TMEFF2: variants seen among roughly 807,000 people sequenced by gnomAD.
TMEFF2 encodes transmembrane protein with EGF like and two follistatin like domains 2, also known as tomoregulin-2.
TMEFF2 carries 28 observed loss-of-function variants against 53.8 expected under a neutral mutation model. That is an observed-to-expected ratio of 0.52 (90% CI 0.39 to 0.71). The LOEUF (loss-of-function observed/expected upper bound fraction) is 0.71. TMEFF2 is among the 30% of genes least tolerant of loss of function. The pLI is 0.00. For missense variants in TMEFF2, 353 were observed against 455.2 expected (o/e 0.78, Z 2.04); for synonymous variants, 162 against 166.3 (o/e 0.97, Z 0.20).
intron 7 of TMEFF2, 80 bp downstream of exon 7, chr2:191,998,182 G>A (rs763163772): frequency 1.3e-4 from 142 of 1,120,618 alleles, no homozygotes; most frequent in Admixed American, 1.9e-4. Flanking sequence ...CTTCACTTTG[G>A]AATAAGTAGT....
At chr2:192,079,163 G>C (rs1387933618) in intron 4 of TMEFF2, among the ~76,000 whole-genome samples, 1 of 152,192 alleles carries the variant, frequency 6.6e-6, no homozygotes, top group Non-Finnish European at 1.5e-5. Flanking sequence ...ATTGAGCACA[G>C]TGAGGGCTTT....
At chr2:192,165,442 A>G (rs187594523) in intron 4 of TMEFF2, among the ~76,000 whole-genome samples, 35 of 152,318 alleles carry the variant, frequency 2.3e-4, no homozygotes, top group African/African-American at 7.2e-4. Flanking sequence ...CGTACTCATT[A>G]TAAGTATATT....
rs1179371406 is a variant in TMEFF2, at chr2:191,982,314, C to G, written c.745+15948G>C. Among the ~76,000 whole-genome samples, 3 of 152,002 alleles carry G rather than the reference C, an allele frequency of 2.0e-5. No homozygotes were observed. In the East Asian group the frequency reaches 5.8e-4, roughly 29 times the overall value. ...TAATTTACAGATAAGAAAACAAAGA[C>G]TCACGGAGGTTATGGTCAAATGTAA... On this transcript the variant is annotated intron_variant, in intron 7 of 9. Coordinates refer to ENST00000272771, the MANE Select transcript of TMEFF2 (RefSeq NM_016192.4).
intron 5 of TMEFF2, among the ~76,000 whole-genome samples, chr2:192,018,571 T>C (rs1214352261): frequency 6.6e-6 from 1 of 152,184 alleles, no homozygotes; most frequent in African/African-American, 2.4e-5. Flanking sequence ...TGGTGTCCTG[T>C]AGCTTGGCAA....
At chr2:192,011,025 G>A (rs1037813808) in intron 5 of TMEFF2, among the ~76,000 whole-genome samples, 5 of 152,130 alleles carry the variant, frequency 3.3e-5, no homozygotes, top group Admixed American at 3.3e-4. Context: ...CATTTTTTAG[G>A]TACTGATAAT....
chr2:192,123,646 C>A (rs551317016), intron 4 of TMEFF2, among the ~76,000 whole-genome samples: 271 of 152,284 alleles, frequency 1.8e-3, no homozygotes, highest in African/African-American at 5.6e-3. Context: ...ACATCGGAAT[C>A]CTTAATGTAA....
intron 5 of TMEFF2, among the ~76,000 whole-genome samples, chr2:192,054,865 C>T (rs561598152): frequency 2.0e-5 from 3 of 151,964 alleles, no homozygotes; most frequent in African/African-American, 7.2e-5. Context: ...TGGAATCTAC[C>T]TCCTATGGCT....
At chr2:192,051,505 T>C (rs1687770526) in intron 5 of TMEFF2, among the ~76,000 whole-genome samples, 1 of 152,202 alleles carries the variant, frequency 6.6e-6, no homozygotes, top group East Asian at 1.9e-4. Context: ...TGTTCAATTG[T>C]CAACCAGGAG....
chr2:192,033,845 C>T (rs1328631994), intron 5 of TMEFF2, among the ~76,000 whole-genome samples: 1 of 152,070 alleles, frequency 6.6e-6, no homozygotes, highest in African/African-American at 2.4e-5. Context: ...TTAGTTTTTA[C>T]TAACTAAAGA....
chr2:192,129,436 G>C (rs1470708335), intron 4 of TMEFF2, among the ~76,000 whole-genome samples: 2 of 151,160 alleles, frequency 1.3e-5, no homozygotes, highest in Non-Finnish European at 1.5e-5. Flanking sequence ...TAGTTTTTGG[G>C]CCATCCAAGG....
chr2:192,014,804 T>G (rs938294876), intron 5 of TMEFF2, among the ~76,000 whole-genome samples: 5 of 152,234 alleles, frequency 3.3e-5, no homozygotes, highest in Admixed American at 6.5e-5. Context: ...TTCAAAAGTT[T>G]AGGTAGAACA....
intron 4 of TMEFF2, among the ~76,000 whole-genome samples, chr2:192,139,328 A>G (rs1690083905): frequency 6.6e-6 from 1 of 152,224 alleles, no homozygotes. Flanking sequence ...AAATGTGGTA[A>G]AATGGTGGTT....
At chr2:192,186,277 T>G (rs1691308858) in intron 2 of TMEFF2, among the ~76,000 whole-genome samples, 1 of 152,158 alleles carries the variant, frequency 6.6e-6, no homozygotes. Context: ...ATCTGAAAAC[T>G]GACTCACCAC....
rs562093541 is a variant in TMEFF2 at position 192,032,896 on chromosome 2, GT to G, written c.536+24782del. Among the ~76,000 whole-genome samples, 411 of 152,088 alleles carry G rather than the reference GT, an allele frequency of 2.7e-3. 2 individuals carry two copies. Among genetic ancestry groups the G allele is most frequent in the African/African-American group, 9.5e-3 (393 of 41,518 alleles). ...ATTTTATATTATAAATAAACCTGTT[GT>G]TTTTTTCTCTAACAACAACAAAGTA... On this transcript the variant is annotated intron_variant, in intron 5 of 9. Coordinates refer to ENST00000272771, the MANE Select transcript of TMEFF2 (RefSeq NM_016192.4).
intron 4 of TMEFF2, among the ~76,000 whole-genome samples, chr2:192,125,674 T>G (rs999229229): frequency 7.9e-5 from 12 of 152,184 alleles, no homozygotes; most frequent in African/African-American, 2.9e-4. Flanking sequence ...ATAAGCACCA[T>G]GGAATACTAT....
chr2:192,054,086 C>A lies in TMEFF2; in HGVS notation c.536+3593G>T, dbSNP rs964179592. ...CTTGGCTCCCTGCCCCTACAGCCCTCTAATCTTCACAGCCGTGGCCACTTA... is the reference window on the plus strand; with the variant it reads ...CTTGGCTCCCTGCCCCTACAGCCCTATAATCTTCACAGCCGTGGCCACTTA... On this transcript the variant is annotated intron_variant, in intron 5 of 9. Coordinates refer to ENST00000272771, the MANE Select transcript of TMEFF2 (RefSeq NM_016192.4). Among the ~76,000 whole-genome samples the A allele has an allele frequency of 4.6e-5, 7 of 151,996 alleles. 1 individual carries two copies. The South Asian group carries it at 1.5e-3, about 32-fold the overall frequency.
chr2:191,952,713 G>C (rs1482320603), intron 9 of TMEFF2, among the ~76,000 whole-genome samples: 1 of 152,172 alleles, frequency 6.6e-6, no homozygotes, highest in African/African-American at 2.4e-5. Context: ...CCTCAAAGAA[G>C]ATTGTGCAAT....
At chr2:192,057,590 A>T in intron 5 of TMEFF2, 89 bp downstream of exon 5, 1 of 1,129,338 alleles carries the variant, frequency 8.9e-7, no homozygotes, top group Non-Finnish European at 1.3e-6. Context: ...AATGCAGACA[A>T]TGTCTTCTGT....
At chr2:192,106,364 A>T (rs993304382) in intron 4 of TMEFF2, among the ~76,000 whole-genome samples, 1 of 151,720 alleles carries the variant, frequency 6.6e-6, no homozygotes, top group Non-Finnish European at 1.5e-5. Context: ...GTTATTGTTG[A>T]TATTGGAAAT....
Sources: allele counts gnomAD v4.1 joint callset (sites outside exome capture counted in the v4.1 genomes callset), GRCh38; gene constraint gnomAD v4.1.1; transcripts MANE v1.5; gene names NCBI Gene and HGNC (gene_info 2026-07-23, HGNC 2026-07-21).